DOCK7: variants seen among roughly 807,000 people sequenced by gnomAD.
DOCK7 encodes dedicator of cytokinesis 7.
A neutral mutation model predicts 271.0 loss-of-function variants in DOCK7; 138 were observed. The observed-to-expected ratio is 0.51, with a 90% CI of 0.44 to 0.59. DOCK7 has a LOEUF of 0.59. Among genes scored for constraint, DOCK7 ranks in the 20% least tolerant of loss-of-function variants. DOCK7 has a pLI of 0.00. For missense variants in DOCK7, 2,066 were observed against 2,592.4 expected (o/e 0.80, Z 4.41); for synonymous variants, 823 against 876.1 (o/e 0.94, Z 1.07).
At chr1:62,669,571 C>A (rs1344965908) in intron 1 of DOCK7, among the ~76,000 whole-genome samples, 1 of 152,232 alleles carries the variant, frequency 6.6e-6, no homozygotes, top group Admixed American at 6.5e-5. Context: ...TGTTTTCAAA[C>A]TCTAGTGGCA....
intron 18 of DOCK7, among the ~76,000 whole-genome samples, chr1:62,571,972 G>A (rs1354941393): frequency 6.6e-6 from 1 of 152,158 alleles, no homozygotes. Flanking sequence ...ATACTTAGGT[G>A]ATGGGTTGAT....
At chr1:62,552,484 C>T (rs1363992833) in intron 22 of DOCK7, among the ~76,000 whole-genome samples, 1 of 152,108 alleles carries the variant, frequency 6.6e-6, no homozygotes, top group Non-Finnish European at 1.5e-5. Context: ...ATCAGACTGA[C>T]AACAATAAGT....
At chr1:62,594,738 A>C (rs1471206342) in intron 14 of DOCK7, among the ~76,000 whole-genome samples, 3 of 152,284 alleles carry the variant, frequency 2.0e-5, no homozygotes, top group Non-Finnish European at 2.9e-5. Context: ...GTAAGGCATT[A>C]CTGTACTAAA....
chr1:62,589,864 A>G (rs1648174841), intron 14 of DOCK7, among the ~76,000 whole-genome samples: 1 of 150,094 alleles, frequency 6.7e-6, no homozygotes, highest in Non-Finnish European at 1.5e-5. Context: ...CCTGGGTGAC[A>G]GAGCAAGACT....
chr1:62,627,484 A>C (rs541068894), intron 11 of DOCK7: 1 of 152,296 alleles, frequency 6.6e-6, no homozygotes, highest in African/African-American at 2.4e-5. Flanking sequence ...AATCCTAAAA[A>C]ATCTGGGGAA....
At chr1:62,572,646 T>A (rs961944387) in intron 18 of DOCK7, among the ~76,000 whole-genome samples, 4 of 152,202 alleles carry the variant, frequency 2.6e-5, no homozygotes, top group African/African-American at 9.6e-5. Flanking sequence ...GGAGAGGGGA[T>A]GTCAAGCTCT....
chr1:62,531,434 G>C (rs1645171483), intron 29 of DOCK7, among the ~76,000 whole-genome samples: 1 of 152,176 alleles, frequency 6.6e-6, no homozygotes, highest in Non-Finnish European at 1.5e-5. Context: ...TTTAGCAAGA[G>C]AGAAACACGG....
At chr1:62,682,107 T>C (rs1661240275) in intron 1 of DOCK7, among the ~76,000 whole-genome samples, 1 of 149,186 alleles carries the variant, frequency 6.7e-6, no homozygotes. Context: ...TTTGTGGAGG[T>C]ACAGTGAAAA....
At chr1:62,595,921 C>A (rs372723101) in intron 14 of DOCK7, among the ~76,000 whole-genome samples, 5 of 151,946 alleles carry the variant, frequency 3.3e-5, no homozygotes, top group African/African-American at 1.2e-4. Context: ...AGAGCAAGAC[C>A]CTGTCTCTAA....
intron 17 of DOCK7, 68 bp from the exon 18 acceptor site, chr1:62,577,431 T>C: frequency 8.0e-7 from 1 of 1,252,814 alleles, no homozygotes; most frequent in Non-Finnish European, 1.1e-6. Flanking sequence ...CTTAGCATGT[T>C]TTAAGAACTT....
At chr1:62,517,241 A>C (rs748012935) in intron 31 of DOCK7, among the ~76,000 whole-genome samples, 1 of 152,132 alleles carries the variant, frequency 6.6e-6, no homozygotes, top group Non-Finnish European at 1.5e-5. Flanking sequence ...TGTTCCCCTA[A>C]ATTTCCATTT....
intron 1 of DOCK7, among the ~76,000 whole-genome samples, chr1:62,679,298 T>C (rs1660858274): frequency 6.6e-6 from 1 of 152,122 alleles, no homozygotes; most frequent in African/African-American, 2.4e-5. Flanking sequence ...GCATTAAAAC[T>C]GAGAACATAC....
chr1:62,602,000 T>G, intron 14 of DOCK7: 1 of 644,448 alleles, frequency 1.6e-6, no homozygotes, highest in Non-Finnish European at 2.7e-6. Flanking sequence ...ATATGAGTAT[T>G]CGTATAAATA....
chr1:62,598,743 C>T lies in DOCK7; in HGVS notation c.1683-12119G>A, dbSNP rs373232750. 7.4e-6 allele frequency: 12 copies of T among 1,611,084 alleles called. No individual in the cohort carries two copies. In the African/African-American group the frequency reaches 1.1e-4, roughly 14 times the overall value. ...ATAGCATCAAAGACCTTCTCCAGAC[C>T]GTGGAAGACCAATATAAACAATTAA... On this transcript the variant is annotated intron_variant, in intron 14 of 49. Coordinates refer to ENST00000635253, the MANE Select transcript of DOCK7 (RefSeq NM_001367561.1).
chr1:62,648,930 A>G (rs1657004078), intron 4 of DOCK7, among the ~76,000 whole-genome samples: 1 of 152,156 alleles, frequency 6.6e-6, no homozygotes, highest in African/African-American at 2.4e-5. Context: ...AAAAGGTTAT[A>G]TACATATAAA....
intron 1 of DOCK7, among the ~76,000 whole-genome samples, chr1:62,664,370 GGTTTTA>G (rs1007393338): frequency 1.5e-4 from 23 of 152,050 alleles, no homozygotes; most frequent in African/African-American, 4.3e-4. Flanking sequence ...GAGATCTGAT[GGTTTTA>G]TAAGGGGTTT....
chr1:62,603,161 C>A (rs1335444423), intron 14 of DOCK7, among the ~76,000 whole-genome samples: 2 of 151,562 alleles, frequency 1.3e-5, no homozygotes, highest in Non-Finnish European at 3.0e-5. Flanking sequence ...GTGAGTGTAA[C>A]CCCAAAATAA....
rs1260619281 is a variant in DOCK7 at position 62,584,155 on chromosome 1, C to G, written c.1801-901G>C. On this transcript the variant is annotated intron_variant, in intron 15 of 49. Transcript: ENST00000635253. ...ATATAAAGAGATTAATTGGCATCATCCTTAATTAGAAGGGCATATTAGCAG... is the reference window on the plus strand; with the variant it reads ...ATATAAAGAGATTAATTGGCATCATGCTTAATTAGAAGGGCATATTAGCAG... 4 of 983,542 alleles carry G rather than the reference C, an allele frequency of 4.1e-6. No homozygotes were observed. The Admixed American group carries it at 2.5e-4, about 61-fold the overall frequency. 60.9% of individuals were successfully genotyped at this position (983,542 alleles called of 1,614,324 possible). A position where few individuals can be genotyped will look rare whatever the true frequency, so the allele number is the denominator to read the frequency against.
In DOCK7 at chr1:62,561,855, T is replaced by C. The variant is rs1646333285; in HGVS notation, c.2113-152A>G. On this transcript the variant is annotated intron_variant, in intron 18 of 49. Coordinates refer to ENST00000635253, the MANE Select transcript of DOCK7 (RefSeq NM_001367561.1). ...ATTAAGAACTTTTATATTTCATTCT[T>C]ATTTCAAAATCAAGCAATGTTTTCT... 4 of 470,924 alleles carry C rather than the reference T, an allele frequency of 8.5e-6. 1 individual carries two copies. Among genetic ancestry groups the C allele is most frequent in the Non-Finnish European group, 1.4e-5 (4 of 276,870 alleles). The allele number at this position is 470,924 out of a possible 1,614,324, so 29.2% of individuals were successfully genotyped here.
Sources: gnomAD v4.1 joint callset for allele counts (sites outside exome capture counted in the v4.1 genomes callset) on GRCh38, gnomAD v4.1.1 for gene constraint, MANE v1.5 for transcripts, NCBI Gene and HGNC (gene_info 2026-07-23, HGNC 2026-07-21) for gene names.